The following ETFA variants were observed in gnomAD, a reference collection of about 807,000 sequenced individuals.
The protein encoded by ETFA is electron transfer flavoprotein subunit alpha, mitochondrial.
In ETFA, 22 loss-of-function variants were observed where a neutral mutation model predicts 46.2. The observed-to-expected ratio is 0.48, with a 90% CI of 0.34 to 0.68. The LOEUF (loss-of-function observed/expected upper bound fraction) is 0.68. Ranked by LOEUF, ETFA falls within the 30% of genes least tolerant of loss-of-function variation. The pLI, the probability that ETFA is intolerant of heterozygous loss-of-function variation, is 0.01. For synonymous variants in ETFA, 131 were observed against 139.9 expected (o/e 0.94, Z 0.45); for missense variants, 345 against 401.1 (o/e 0.86, Z 1.19).
intron 4 of ETFA, among the ~76,000 whole-genome samples, chr15:76,288,313 T>A (rs1337104427): frequency 6.6e-6 from 1 of 152,192 alleles, no homozygotes; most frequent in East Asian, 1.9e-4. Context: ...GGTAAAATTC[T>A]CAAATACTGA....
intron 11 of ETFA, among the ~76,000 whole-genome samples, chr15:76,217,317 T>C (rs2038906498): frequency 6.6e-6 from 1 of 152,244 alleles, no homozygotes; most frequent in African/African-American, 2.4e-5. Flanking sequence ...TTATGACTCC[T>C]GCCAACCTCC....
At chr15:76,300,672 T>C (rs1459974401) in intron 1 of ETFA, among the ~76,000 whole-genome samples, 1 of 152,266 alleles carries the variant, frequency 6.6e-6, no homozygotes, top group Non-Finnish European at 1.5e-5. Context: ...AAAACACTGC[T>C]ATTGCTTTCT....
intron 9 of ETFA, among the ~76,000 whole-genome samples, chr15:76,270,932 G>C (rs993046913): frequency 6.6e-6 from 1 of 152,164 alleles, no homozygotes; most frequent in Non-Finnish European, 1.5e-5. Context: ...CACTTTGGGA[G>C]ACCAAGGTGG....
chr15:76,295,157 A>G (rs1051200646), intron 2 of ETFA, among the ~76,000 whole-genome samples: 1 of 152,266 alleles, frequency 6.6e-6, no homozygotes, highest in Non-Finnish European at 1.5e-5. Flanking sequence ...AGTACCAGCT[A>G]GAGTTTGGAA....
chr15:76,217,638 C>CT (rs376136582), intron 11 of ETFA: 92 of 454,608 alleles, frequency 2.0e-4, no homozygotes, highest in African/African-American at 1.8e-3. Flanking sequence ...TGTAGAGCTG[C>CT]TTTGTGACTG....
chr15:76,218,346 C>A (rs1344125974), intron 11 of ETFA, among the ~76,000 whole-genome samples: 1 of 152,142 alleles, frequency 6.6e-6, no homozygotes, highest in Non-Finnish European at 1.5e-5. Context: ...CAGCTCACTG[C>A]AAGCTCCGTC....
intron 1 of ETFA, 41 bp downstream of exon 1, chr15:76,311,309 G>A (rs778769975): frequency 3.9e-6 from 6 of 1,547,556 alleles, no homozygotes; most frequent in South Asian, 1.2e-5. Flanking sequence ...GCGGGTTGAC[G>A]GGGGGCCGTC....
At chr15:76,268,059 C>T (rs1363582666) in intron 9 of ETFA, among the ~76,000 whole-genome samples, 1 of 152,130 alleles carries the variant, frequency 6.6e-6, no homozygotes, top group African/African-American at 2.4e-5. Context: ...TTTGGTTTCT[C>T]TATGCCTTCT....
intron 7 of ETFA, 100 bp from the exon 8 acceptor site, chr15:76,283,925 A>C (rs959998352): frequency 2.5e-6 from 2 of 794,514 alleles, no homozygotes; most frequent in Non-Finnish European, 4.3e-6. Flanking sequence ...CATATTATGT[A>C]ACTGCCATAT....
intron 10 of ETFA, chr15:76,230,351 C>T (rs1163728144): frequency 1.2e-4 from 8 of 68,518 alleles, no homozygotes; most frequent in African/African-American, 3.0e-4. Context: ...CTCAGCCTCC[C>T]GAGTAGCTGG....
chr15:76,287,936 G>C lies in ETFA; in HGVS notation c.361C>G (p.Pro121Ala). The C allele has an allele frequency of 6.2e-7, 1 of 1,613,486 alleles. No homozygotes were observed. Among genetic ancestry groups the C allele is most frequent in the Non-Finnish European group, 8.5e-7 (1 of 1,179,516 alleles). The change falls in exon 5 of 12, where the codon CCC becomes GCC. Residue 121 changes from proline (P) to alanine (A), a missense_variant. Physicochemically the swap from Pro to Ala is conservative, Grantham distance 27. Coordinates refer to ENST00000557943, the MANE Select transcript of ETFA (RefSeq NM_000126.4). ...GASAFGKNLL[P>A]RVAAKLEVAP... ...ACCTCAAGTTTGGCTGCTACTCTGGGCAAAAGGTTCTAAAAGCAAAATAAG... is the reference window on the plus strand; with the variant it reads ...ACCTCAAGTTTGGCTGCTACTCTGGCCAAAAGGTTCTAAAAGCAAAATAAG...
chr15:76,283,602 A>C lies in ETFA; in HGVS notation c.733+155T>G, dbSNP rs554154524. 7.9e-5 allele frequency among the ~76,000 whole-genome samples: 12 copies of C among 152,336 alleles called. No individual in the cohort carries two copies. The South Asian group carries it at 2.1e-3, about 26-fold the overall frequency. On this transcript the variant is annotated intron_variant, in intron 8 of 11. Transcript: ENST00000557943. The stretch of plus-strand genomic sequence containing the variant: ...TGAATGCTATATACCATTTACTTGG[A>C]GGCTTAAGAAAAACTGGTTCAGAGA...
At chr15:76,276,785 T>C (rs2039597097) in intron 8 of ETFA, among the ~76,000 whole-genome samples, 1 of 152,226 alleles carries the variant, frequency 6.6e-6, no homozygotes, top group Non-Finnish European at 1.5e-5. Context: ...ACAATGTTTT[T>C]TATCTCTAGC....
chr15:76,281,202 A>C (rs976725070), intron 8 of ETFA, among the ~76,000 whole-genome samples: 7 of 151,612 alleles, frequency 4.6e-5, no homozygotes, highest in Non-Finnish European at 2.9e-5. Context: ...GCGGGGTTTC[A>C]CCACGTGGGC....
chr15:76,273,696 T>C (rs1240140310), intron 9 of ETFA, among the ~76,000 whole-genome samples: 5 of 151,906 alleles, frequency 3.3e-5, no homozygotes, highest in African/African-American at 1.2e-4. Context: ...TTTTTTTTAA[T>C]GGACAAGACT....
rs1291002577 is a variant in ETFA, at chr15:76,311,435, C to G, written c.-47G>C. ...CTCGGCCTTACAGCAGCCCCGTGCC[C>G]GGCCAACTGGCGCCGCCTCAGCCAG... On this transcript the variant is annotated 5_prime_UTR_variant, in exon 1 of 12. Coordinates refer to ENST00000557943, the MANE Select transcript of ETFA (RefSeq NM_000126.4). 9.1e-6 allele frequency: 14 copies of G among 1,544,996 alleles called. No homozygotes were observed. The highest frequency in any genetic ancestry group is 7.3e-5 in the East Asian group (3 of 41,092).
chr15:76,270,051 A>G (rs2039512787), intron 9 of ETFA, among the ~76,000 whole-genome samples: 1 of 152,224 alleles, frequency 6.6e-6, no homozygotes, highest in Non-Finnish European at 1.5e-5. Flanking sequence ...AAAACCAGTA[A>G]CATCCACCAA....
intron 11 of ETFA, among the ~76,000 whole-genome samples, chr15:76,222,600 G>A (rs1411610782): frequency 1.3e-5 from 2 of 152,230 alleles, no homozygotes; most frequent in Admixed American, 1.3e-4. Flanking sequence ...GTAGTGGTGA[G>A]CCACCCAGCT....
chr15:76,295,327 TATC>T (rs1231999515), intron 2 of ETFA, among the ~76,000 whole-genome samples: 1 of 152,206 alleles, frequency 6.6e-6, no homozygotes, highest in African/African-American at 2.4e-5. Flanking sequence ...ACTCAAATAT[TATC>T]ATTCCACTTG....
Sources: allele counts gnomAD v4.1 joint callset (sites outside exome capture counted in the v4.1 genomes callset), GRCh38; gene constraint gnomAD v4.1.1; transcripts MANE v1.5; gene names NCBI Gene and HGNC (gene_info 2026-07-23, HGNC 2026-07-21).